The following SNX6 variants were observed in gnomAD, a reference collection of about 807,000 sequenced individuals.
SNX6 encodes sorting nexin 6.
A neutral mutation model predicts 63.0 loss-of-function variants in SNX6; 34 were observed. That is an observed-to-expected ratio of 0.54 (90% CI 0.41 to 0.72). The LOEUF is 0.72. SNX6 is among the 30% of genes least tolerant of loss of function. The pLI, the probability that SNX6 is intolerant of heterozygous loss-of-function variation, is 0.00. For missense variants in SNX6, 398 were observed against 471.4 expected (o/e 0.84, Z 1.44); for synonymous variants, 170 against 164.2 (o/e 1.04, Z -0.27).
intron 2 of SNX6, among the ~76,000 whole-genome samples, chr14:34,613,229 C>T (rs1249032844): frequency 6.6e-6 from 1 of 152,192 alleles, no homozygotes; most frequent in African/African-American, 2.4e-5. Flanking sequence ...GGAGAGCTGG[C>T]CCTGCCAGGT....
intron 5 of SNX6, among the ~76,000 whole-genome samples, chr14:34,605,014 C>T (rs1882960066): frequency 6.6e-6 from 1 of 152,112 alleles, no homozygotes; most frequent in South Asian, 2.1e-4. Flanking sequence ...TAGTTAAAAA[C>T]TGTTTTTCAT....
chr14:34,612,808 G>A (rs1299011012), intron 2 of SNX6, among the ~76,000 whole-genome samples: 1 of 151,934 alleles, frequency 6.6e-6, no homozygotes, highest in East Asian at 2.0e-4. Flanking sequence ...CCAGCACTTT[G>A]GGAGGCCGAA....
At chr14:34,565,645 A>T (rs1320643850) in intron 13 of SNX6, among the ~76,000 whole-genome samples, 1 of 141,002 alleles carries the variant, frequency 7.1e-6, no homozygotes, top group Non-Finnish European at 1.5e-5. Context: ...GCCTCCGGAG[A>T]AGCTGGGATT....
At chr14:34,622,508 G>A (rs1302040553) in intron 2 of SNX6, among the ~76,000 whole-genome samples, 1 of 150,690 alleles carries the variant, frequency 6.6e-6, no homozygotes, top group South Asian at 2.1e-4. Context: ...GCGTGAATCC[G>A]GGAGGCGGAG....
intron 11 of SNX6, chr14:34,568,856 G>T: frequency 9.2e-7 from 1 of 1,081,168 alleles, no homozygotes; most frequent in Non-Finnish European, 1.4e-6. Context: ...CGGCTAAAGT[G>T]GCCAGGCATG....
At position 34,612,575 on chromosome 14, in the gene SNX6, A is replaced by G. The variant is rs562166067; in HGVS notation, c.55-2833T>C. On this transcript the variant is annotated intron_variant, in intron 2 of 13. Coordinates refer to ENST00000362031, the MANE Select transcript of SNX6 (RefSeq NM_152233.4). Reference sequence around the variant, plus strand: ...CAACCTCCCGAGTAGCTAGGACTACAGGCATGCACAACCAGGCCCAGCTAA... The same window carrying G: ...CAACCTCCCGAGTAGCTAGGACTACGGGCATGCACAACCAGGCCCAGCTAA... 1.4e-3 allele frequency among the ~76,000 whole-genome samples: 211 copies of G among 152,192 alleles called. 1 individual carries two copies. The highest frequency in any genetic ancestry group is 2.9e-3 in the Admixed American group (44 of 15,286).
chr14:34,615,725 C>T (rs142072207), intron 2 of SNX6, among the ~76,000 whole-genome samples: 255 of 152,052 alleles, frequency 1.7e-3, no homozygotes, highest in Middle Eastern at 3.4e-3. Flanking sequence ...CAATCCCCTC[C>T]GTCCTCGGCC....
chr14:34,620,740 A>G (rs1036895307), intron 2 of SNX6, among the ~76,000 whole-genome samples: 2 of 152,104 alleles, frequency 1.3e-5, no homozygotes, highest in African/African-American at 4.8e-5. Context: ...CAGGAGTTTG[A>G]GACCAGCCTG....
At chr14:34,581,213 G>A (rs888190541) in intron 10 of SNX6, among the ~76,000 whole-genome samples, 1 of 152,136 alleles carries the variant, frequency 6.6e-6, no homozygotes, top group African/African-American at 2.4e-5. Context: ...GAGTGCAGTG[G>A]TGCAATCTTG....
intron 13 of SNX6, among the ~76,000 whole-genome samples, chr14:34,563,538 G>T (rs1351037217): frequency 1.4e-5 from 2 of 141,644 alleles, no homozygotes; most frequent in African/African-American, 5.4e-5. Context: ...CACCCTGGGC[G>T]AAAGAGTGAG....
At chr14:34,568,998 T>G (rs1384954964) in intron 11 of SNX6, 1 of 1,463,464 alleles carries the variant, frequency 6.8e-7, no homozygotes, top group African/African-American at 1.4e-5. Flanking sequence ...GAGCAAGCTC[T>G]TTGTGCTTGG....
chr14:34,597,518 C>G, intron 7 of SNX6, 32 bp downstream of exon 7: 2 of 1,264,256 alleles, frequency 1.6e-6, no homozygotes, highest in Non-Finnish European at 2.3e-6. Context: ...GAAGTCTCAA[C>G]TAATACCACA....
At chr14:34,618,856 C>G (rs979284783) in intron 2 of SNX6, among the ~76,000 whole-genome samples, 1 of 152,138 alleles carries the variant, frequency 6.6e-6, no homozygotes, top group Non-Finnish European at 1.5e-5. Flanking sequence ...CCAAAAATCC[C>G]TACTCCTCCC....
At chr14:34,606,165 C>A (rs561406957) in intron 4 of SNX6, among the ~76,000 whole-genome samples, 2 of 150,828 alleles carry the variant, frequency 1.3e-5, no homozygotes, top group Admixed American at 6.6e-5. Context: ...TAGAGGAAGA[C>A]CCTGTCTCCA....
At chr14:34,602,664 T>C (rs1206974282) in intron 6 of SNX6, among the ~76,000 whole-genome samples, 1 of 151,778 alleles carries the variant, frequency 6.6e-6, no homozygotes, top group Non-Finnish European at 1.5e-5. Flanking sequence ...ACTCTTGCCT[T>C]TTCCAATGAC....
At position 34,585,730 on chromosome 14, in the gene SNX6, G is replaced by C. The variant is rs934149132; in HGVS notation, c.794+500C>G. 1.1e-4 allele frequency among the ~76,000 whole-genome samples: 16 copies of C among 151,590 alleles called. No homozygotes were observed. In the East Asian group the frequency reaches 3.1e-3, roughly 30 times the overall value. On this transcript the variant is annotated intron_variant, in intron 9 of 13. Transcript: ENST00000362031. Reference sequence around the variant, plus strand: ...TGTGCCTCAGCCTCCCGAGTAGCTAGCTGGGATTACAGGCACACACCACCG... The same window carrying C: ...TGTGCCTCAGCCTCCCGAGTAGCTACCTGGGATTACAGGCACACACCACCG...
At chr14:34,600,307 T>C (rs1310964428) in intron 6 of SNX6, among the ~76,000 whole-genome samples, 2 of 152,100 alleles carry the variant, frequency 1.3e-5, no homozygotes, top group African/African-American at 2.4e-5. Flanking sequence ...GCGTTTTTAG[T>C]AGAGACAGGG....
At chr14:34,598,262 T>C (rs1882676131) in intron 6 of SNX6, among the ~76,000 whole-genome samples, 1 of 152,196 alleles carries the variant, frequency 6.6e-6, no homozygotes, top group Non-Finnish European at 1.5e-5. Flanking sequence ...GGGTGCCCCA[T>C]AAAGGAGCAA....
chr14:34,607,954 A>T, intron 4 of SNX6, 76 bp downstream of exon 4: 4 of 741,150 alleles, frequency 5.4e-6, no homozygotes, highest in Non-Finnish European at 4.4e-6. Context: ...AAAAAATGCT[A>T]AACAAGATTC....
Sources: allele counts gnomAD v4.1 joint callset (sites outside exome capture counted in the v4.1 genomes callset), GRCh38; gene constraint gnomAD v4.1.1; transcripts MANE v1.5; gene names NCBI Gene and HGNC (gene_info 2026-07-23, HGNC 2026-07-21).